Variants in ZNF385D observed in about 807,000 individuals in gnomAD.
ZNF385D encodes the protein zinc finger protein 659.
In ZNF385D, 15 loss-of-function variants were observed where a neutral mutation model predicts 35.8. The ratio of observed to expected loss-of-function variants is 0.42; its 90% CI spans 0.28 to 0.64. ZNF385D has a LOEUF of 0.64. ZNF385D is among the 30% of genes least tolerant of loss of function. ZNF385D has a pLI of 0.23. For missense variants in ZNF385D, 474 were observed against 494.6 expected (o/e 0.96, Z 0.39); for synonymous variants, 212 against 186.8 (o/e 1.13, Z -1.10).
intron 3 of ZNF385D, among the ~76,000 whole-genome samples, chr3:21,843,939 C>G (rs184554863): frequency 2.0e-5 from 3 of 151,770 alleles, no homozygotes; most frequent in African/African-American, 7.2e-5. Flanking sequence ...AGAATGTGCA[C>G]AAAAGGAACT....
At chr3:21,998,770 T>C (rs895447087) in intron 3 of ZNF385D, among the ~76,000 whole-genome samples, 2 of 152,246 alleles carry the variant, frequency 1.3e-5, no homozygotes, top group Non-Finnish European at 2.9e-5. Context: ...ACTTCAGTTA[T>C]TTAAAATTAT....
intron 2 of ZNF385D, among the ~76,000 whole-genome samples, chr3:22,274,916 TA>T (rs1287132172): frequency 6.6e-6 from 1 of 151,882 alleles, no homozygotes; most frequent in East Asian, 1.9e-4. Flanking sequence ...TTTAAGTGCA[TA>T]AAAACTAAGC....
chr3:22,320,048 CACAT>C (rs1036103188), intron 2 of ZNF385D, among the ~76,000 whole-genome samples: 10 of 151,738 alleles, frequency 6.6e-5, no homozygotes, highest in African/African-American at 2.4e-4. Context: ...TTTCACAAAA[CACAT>C]ACAAACTTTT....
intron 2 of ZNF385D, among the ~76,000 whole-genome samples, chr3:21,636,729 C>T (rs529089646): frequency 3.3e-5 from 5 of 151,980 alleles, no homozygotes; most frequent in African/African-American, 1.2e-4. Flanking sequence ...TTTGGCAACA[C>T]CCTCGCAGAC....
intron 1 of ZNF385D, among the ~76,000 whole-genome samples, chr3:21,671,275 G>A (rs765887322): frequency 2.8e-4 from 42 of 151,980 alleles, no homozygotes; most frequent in Non-Finnish European, 5.1e-4. Flanking sequence ...GGCTGCAAAC[G>A]TTTATGAAAA....
At chr3:22,141,096 A>G (rs1296801560) in intron 3 of ZNF385D, among the ~76,000 whole-genome samples, 1 of 152,238 alleles carries the variant, frequency 6.6e-6, no homozygotes, top group Non-Finnish European at 1.5e-5. Context: ...AAAGCCAACT[A>G]TTTAAAAGGC....
At chr3:22,087,621 G>A (rs1452003548) in intron 3 of ZNF385D, among the ~76,000 whole-genome samples, 1 of 151,878 alleles carries the variant, frequency 6.6e-6, no homozygotes, top group Non-Finnish European at 1.5e-5. Context: ...GAATCCCTGG[G>A]GATTTTTGAG....
intron 3 of ZNF385D, among the ~76,000 whole-genome samples, chr3:22,158,420 A>T (rs78599481): frequency 0.11 from 16,604 of 151,890 alleles, 1,013 homozygotes; most frequent in African/African-American, 0.14. Flanking sequence ...TTTTTATCCC[A>T]TTTCTTTTAC....
chr3:21,963,658 A>G (rs748534007), intron 3 of ZNF385D, among the ~76,000 whole-genome samples: 1 of 152,198 alleles, frequency 6.6e-6, no homozygotes, highest in Non-Finnish European at 1.5e-5. Context: ...TTATAATACA[A>G]TGAATATACA....
chr3:21,463,117 T>C (rs1703284189), intron 4 of ZNF385D, among the ~76,000 whole-genome samples: 1 of 152,150 alleles, frequency 6.6e-6, no homozygotes, highest in South Asian at 2.1e-4. Flanking sequence ...GGTAAAATGA[T>C]ATTAAGAGTA....
At chr3:22,181,193 G>A (rs1294531461) in intron 2 of ZNF385D, among the ~76,000 whole-genome samples, 4 of 152,034 alleles carry the variant, frequency 2.6e-5, no homozygotes, top group Non-Finnish European at 5.9e-5. Context: ...TATTAAAGGA[G>A]AAGAGCAGAT....
At chr3:21,937,112 A>G (rs1193183837) in intron 3 of ZNF385D, among the ~76,000 whole-genome samples, 2 of 152,238 alleles carry the variant, frequency 1.3e-5, no homozygotes, top group Admixed American at 1.3e-4. Flanking sequence ...AAGAAAGAAA[A>G]AAAATATTTT....
intron 3 of ZNF385D, among the ~76,000 whole-genome samples, chr3:22,152,284 A>C (rs1241006335): frequency 6.6e-6 from 1 of 152,162 alleles, no homozygotes; most frequent in Non-Finnish European, 1.5e-5. Context: ...CTTTTAAAAG[A>C]GCAACAACAA....
intron 1 of ZNF385D, among the ~76,000 whole-genome samples, chr3:21,737,752 G>T (rs2069315348): frequency 6.6e-6 from 1 of 152,218 alleles, no homozygotes; most frequent in East Asian, 1.9e-4. Context: ...TCTAAAAGGT[G>T]TTTGGATTAC....
At chr3:22,321,228 A>T (rs1694413622) in intron 2 of ZNF385D, among the ~76,000 whole-genome samples, 1 of 133,592 alleles carries the variant, frequency 7.5e-6, no homozygotes, top group African/African-American at 2.9e-5. Flanking sequence ...ACACTTTACG[A>T]CTATCAACAT....
rs190953434 is a variant in ZNF385D, at chr3:21,917,642, A to G, written c.325+251175T>C. Among the ~76,000 whole-genome samples, 53 of 152,270 alleles carry G rather than the reference A, an allele frequency of 3.5e-4. 1 individual carries two copies. In the East Asian group the frequency reaches 0.01, roughly 29 times the overall value. Reference sequence around the variant, plus strand: ...CTCAGCTTTCTGCTTCACGTTATAGAGTTTTAAAGTCATATACACAGGAAC... The same window carrying G: ...CTCAGCTTTCTGCTTCACGTTATAGGGTTTTAAAGTCATATACACAGGAAC... On this transcript the variant is annotated intron_variant, in intron 3 of 5. Coordinates refer to the ZNF385D transcript ENST00000494108.
intron 2 of ZNF385D, among the ~76,000 whole-genome samples, chr3:21,577,844 C>G (rs1182254482): frequency 6.7e-6 from 1 of 149,650 alleles, no homozygotes; most frequent in African/African-American, 2.5e-5. Context: ...GGGTCTCACT[C>G]CATTGCCCAG....
chr3:22,349,360 G>A (rs556278233), intron 2 of ZNF385D, among the ~76,000 whole-genome samples: 80 of 152,254 alleles, frequency 5.3e-4, no homozygotes, highest in Middle Eastern at 6.8e-3. Flanking sequence ...GGGGACTTGC[G>A]TAGGAAAAAT....
chr3:22,311,630 G>C (rs1703556408), intron 2 of ZNF385D, among the ~76,000 whole-genome samples: 1 of 152,172 alleles, frequency 6.6e-6, no homozygotes, highest in Non-Finnish European at 1.5e-5. Context: ...TTTACATTTA[G>C]CTTGTATGTA....
Sources: gnomAD v4.1 joint callset for allele counts (sites outside exome capture counted in the v4.1 genomes callset) on GRCh38, gnomAD v4.1.1 for gene constraint, MANE v1.5 for transcripts, NCBI Gene and HGNC (gene_info 2026-07-23, HGNC 2026-07-21) for gene names.